Variants in TRMT11 observed in about 807,000 individuals in gnomAD.
TRMT11 encodes tRNA (guanine(10)-N(2))-methyltransferase TRMT11.
In TRMT11, 53 loss-of-function variants were observed where a neutral mutation model predicts 62.8. That is an observed-to-expected ratio of 0.84 (90% confidence interval 0.68 to 1.06). The LOEUF is 1.06. Ranked by LOEUF, TRMT11 falls within the 50% of genes least tolerant of loss-of-function variation. TRMT11 has a pLI of 0.00. For missense variants in TRMT11, 556 were observed against 553.4 expected (o/e 1.00, Z -0.05); for synonymous variants, 188 against 190.3 (o/e 0.99, Z 0.10).
chr6:126,123,501 G>C (rs1777674154), intron 21 of TRMT11, among the ~76,000 whole-genome samples: 1 of 152,016 alleles, frequency 6.6e-6, no homozygotes, highest in Non-Finnish European at 1.5e-5. Flanking sequence ...AAGAAATCTT[G>C]TCCTTCAACC....
intron 7 of TRMT11, among the ~76,000 whole-genome samples, chr6:126,000,655 A>C (rs905025378): frequency 1.3e-5 from 2 of 152,082 alleles, no homozygotes; most frequent in African/African-American, 4.8e-5. Context: ...CAGCTATTAC[A>C]CCATGTACTA....
At chr6:126,047,706 G>C (rs1372336031) in intron 16 of TRMT11, among the ~76,000 whole-genome samples, 1 of 152,140 alleles carries the variant, frequency 6.6e-6, no homozygotes, top group East Asian at 1.9e-4. Flanking sequence ...TGCTACCGTG[G>C]GGCTGGAGCC....
the TRMT11 span, among the ~76,000 whole-genome samples, chr6:126,270,682 T>C: frequency 2.6e-5 from 4 of 152,142 alleles, no homozygotes; most frequent in African/African-American, 9.7e-5. Context: ...ATAAAATACA[T>C]TTTGCAAAAT....
intron 11 of TRMT11, among the ~76,000 whole-genome samples, chr6:126,016,047 G>A (rs1046937092): frequency 6.6e-6 from 1 of 152,042 alleles, no homozygotes; most frequent in Non-Finnish European, 1.5e-5. Context: ...TTTCTTCTTT[G>A]ATTTGTATTT....
chr6:126,227,954 G>C, the TRMT11 span, among the ~76,000 whole-genome samples: 1 of 152,214 alleles, frequency 6.6e-6, no homozygotes, highest in Non-Finnish European at 1.5e-5. Context: ...GAGCAGGGCA[G>C]GGGGCACAGG....
chr6:126,042,764 C>G (rs1362461013), downstream of TRMT11, among the ~76,000 whole-genome samples: 1 of 151,874 alleles, frequency 6.6e-6, no homozygotes, highest in Non-Finnish European at 1.5e-5. Context: ...TGAAGTTAGT[C>G]AAATTAAAAG....
chr6:126,056,405 G>C (rs927264933), intron 17 of TRMT11, among the ~76,000 whole-genome samples: 1 of 152,156 alleles, frequency 6.6e-6, no homozygotes, highest in African/African-American at 2.4e-5. Flanking sequence ...GGCCAATAGG[G>C]AAGGATAAAA....
At chr6:126,205,046 A>G (rs949631966), downstream of TRMT11, among the ~76,000 whole-genome samples, 1 of 152,244 alleles carries the variant, frequency 6.6e-6, no homozygotes, top group Non-Finnish European at 1.5e-5. Context: ...GTAAAAATGT[A>G]GAAATTATTA....
intron 17 of TRMT11, among the ~76,000 whole-genome samples, chr6:126,054,051 T>C (rs1260202151): frequency 6.6e-6 from 1 of 152,226 alleles, no homozygotes; most frequent in East Asian, 1.9e-4. Flanking sequence ...AGCCAGATCC[T>C]AAAGGACTCA....
At chr6:126,088,807 T>C (rs1777242147) in intron 17 of TRMT11, among the ~76,000 whole-genome samples, 2 of 152,198 alleles carry the variant, frequency 1.3e-5, no homozygotes, top group Non-Finnish European at 2.9e-5. Context: ...AACAGACATT[T>C]AGATTGATTT....
At chr6:126,249,813 T>G in the TRMT11 span, among the ~76,000 whole-genome samples, 1 of 152,154 alleles carries the variant, frequency 6.6e-6, no homozygotes, top group East Asian at 1.9e-4. Flanking sequence ...ACATGATGGA[T>G]ATAACCACCA....
At chr6:126,071,496 A>G (rs964106570) in intron 17 of TRMT11, among the ~76,000 whole-genome samples, 3 of 152,186 alleles carry the variant, frequency 2.0e-5, no homozygotes, top group African/African-American at 7.2e-5. Flanking sequence ...AGCAAAAACA[A>G]AAACAAAAGG....
intron 1 of TRMT11, among the ~76,000 whole-genome samples, chr6:126,191,374 AT>A (rs2128246909): frequency 6.7e-6 from 1 of 148,974 alleles, no homozygotes; most frequent in African/African-American, 2.5e-5. Flanking sequence ...GCTTACAAAC[AT>A]TTTCTCCGAT....
At chr6:126,014,299 G>A (rs1794669548) in intron 11 of TRMT11, among the ~76,000 whole-genome samples, 1 of 151,980 alleles carries the variant, frequency 6.6e-6, no homozygotes. Context: ...CACCCAGACT[G>A]GAGTACAGTG....
At chr6:126,134,264 C>T (rs1016475454) in intron 21 of TRMT11, among the ~76,000 whole-genome samples, 1 of 151,614 alleles carries the variant, frequency 6.6e-6, no homozygotes, top group Non-Finnish European at 1.5e-5. Flanking sequence ...AGTCACTTCA[C>T]CTGAAAAGAC....
chr6:126,148,755 A>G (rs1478682439), intron 21 of TRMT11, among the ~76,000 whole-genome samples: 1 of 152,226 alleles, frequency 6.6e-6, no homozygotes, highest in Non-Finnish European at 1.5e-5. Context: ...TAGATTGATA[A>G]TAGTGAATAT....
intron 17 of TRMT11, among the ~76,000 whole-genome samples, chr6:126,065,718 C>T (rs1238482737): frequency 6.6e-6 from 1 of 152,168 alleles, no homozygotes; most frequent in East Asian, 1.9e-4. Flanking sequence ...ATAGCAAGTA[C>T]TCAATAGATA....
intron 9 of TRMT11, among the ~76,000 whole-genome samples, chr6:126,011,664 T>G (rs1024093696): frequency 6.6e-6 from 1 of 152,182 alleles, no homozygotes; most frequent in Admixed American, 6.5e-5. Flanking sequence ...TCCTTTTATA[T>G]TAACTTGTCA....
At chr6:126,162,853 G>T (rs1456878002) in intron 21 of TRMT11, among the ~76,000 whole-genome samples, 1 of 151,898 alleles carries the variant, frequency 6.6e-6, no homozygotes, top group African/African-American at 2.4e-5. Context: ...TCATGATTTG[G>T]CTCTCTGTAT....
Sources: allele counts gnomAD v4.1 joint callset (sites outside exome capture counted in the v4.1 genomes callset), GRCh38; gene constraint gnomAD v4.1.1; transcripts MANE v1.5; gene names NCBI Gene and HGNC (gene_info 2026-07-23, HGNC 2026-07-21).